The following UBE2D3 variants were observed in gnomAD, a reference collection of about 807,000 sequenced individuals.
UBE2D3 encodes the protein ubiquitin conjugating enzyme E2 D3, also known as ubiquitin-conjugating enzyme E2 D3.
UBE2D3 carries 2 observed loss-of-function variants against 22.8 expected under a neutral mutation model. The observed-to-expected ratio is 0.09, with a 90% CI of 0.04 to 0.28. UBE2D3 has a LOEUF of 0.28. Ranked by LOEUF, UBE2D3 falls within the 10% of genes least tolerant of loss-of-function variation. The pLI is 1.00. For missense variants in UBE2D3, 27 were observed against 182.5 expected (o/e 0.15, Z 4.91); for synonymous variants, 56 against 60.4 (o/e 0.93, Z 0.34).
chr4:102,832,801 G>C (rs1296957214), intron 1 of UBE2D3, among the ~76,000 whole-genome samples: 1 of 152,050 alleles, frequency 6.6e-6, no homozygotes, highest in African/African-American at 2.4e-5. Context: ...TTGAGTCCAA[G>C]AGTTTGAGAT....
chr4:102,839,321 C>G (rs1731609996), intron 1 of UBE2D3, among the ~76,000 whole-genome samples: 2 of 152,178 alleles, frequency 1.3e-5, no homozygotes, highest in African/African-American at 4.8e-5. Flanking sequence ...GGCTGGAATG[C>G]AATGGCGCCA....
chr4:102,837,624 A>T (rs1731480733), intron 1 of UBE2D3, among the ~76,000 whole-genome samples: 4 of 150,550 alleles, frequency 2.7e-5, no homozygotes, highest in Admixed American at 2.6e-4. Context: ...GGAGTTTGAG[A>T]CAAGCTTAGG....
chr4:102,850,881 A>T (rs1300598431), intron 1 of UBE2D3, among the ~76,000 whole-genome samples: 1 of 151,806 alleles, frequency 6.6e-6, no homozygotes, highest in African/African-American at 2.4e-5. Context: ...GAGCTAAGCT[A>T]TGAAGATGCA....
intron 2 of UBE2D3, among the ~76,000 whole-genome samples, chr4:102,815,951 A>G (rs1233058300): frequency 6.6e-6 from 1 of 152,198 alleles, no homozygotes; most frequent in Non-Finnish European, 1.5e-5. Context: ...ACCACTTAGT[A>G]CCCAATAGTA....
At chr4:102,837,180 G>A (rs1324227132) in intron 1 of UBE2D3, 1 of 152,254 alleles carries the variant, frequency 6.6e-6, no homozygotes, top group South Asian at 2.1e-4. Flanking sequence ...ACAATTAAGA[G>A]TATAGGCAGT....
At chr4:102,827,199 C>T in intron 1 of UBE2D3, 1 of 986,454 alleles carries the variant, frequency 1.0e-6, no homozygotes, top group African/African-American at 1.7e-5. Flanking sequence ...GCCACCTCCA[C>T]CACGCGCCCG....
intron 2 of UBE2D3, among the ~76,000 whole-genome samples, chr4:102,820,338 T>C (rs1440269184): frequency 1.3e-5 from 2 of 152,190 alleles, no homozygotes; most frequent in Non-Finnish European, 2.9e-5. Context: ...AGAAGGATGC[T>C]TGGCAAAAAG....
chr4:102,832,002 A>T (rs1296295376), upstream of UBE2D3, among the ~76,000 whole-genome samples: 1 of 152,364 alleles, frequency 6.6e-6, no homozygotes, highest in East Asian at 1.9e-4. Flanking sequence ...GATGTCATCT[A>T]TAAGAAAGTC....
At chr4:102,809,930 A>T in intron 2 of UBE2D3, 75 bp from the exon 3 acceptor site, 1 of 1,422,228 alleles carries the variant, frequency 7.0e-7, no homozygotes, top group Non-Finnish European at 9.9e-7. Context: ...CACTGCTTTC[A>T]GTTACTTTCA....
chr4:102,868,091 G>A (rs866785074), intron 1 of UBE2D3, among the ~76,000 whole-genome samples: 28 of 22,386 alleles, frequency 1.3e-3, no homozygotes, highest in Non-Finnish European at 2.4e-3. Context: ...TTTTTTTTTT[G>A]TGACGGAGTC....
upstream of UBE2D3, among the ~76,000 whole-genome samples, chr4:102,831,669 T>C (rs1373056058): frequency 6.6e-6 from 1 of 152,212 alleles, no homozygotes; most frequent in East Asian, 1.9e-4. Flanking sequence ...GGCCACATAC[T>C]GTTTGATTCT....
At chr4:102,848,122 A>G (rs886798706) in intron 1 of UBE2D3, among the ~76,000 whole-genome samples, 1 of 152,206 alleles carries the variant, frequency 6.6e-6, no homozygotes, top group African/African-American at 2.4e-5. Context: ...GAAAAGCCAG[A>G]TGGATCTATA....
chr4:102,835,779 T>C (rs1731360066), intron 1 of UBE2D3, among the ~76,000 whole-genome samples: 1 of 151,764 alleles, frequency 6.6e-6, no homozygotes, highest in South Asian at 2.1e-4. Flanking sequence ...TAAGCTAACA[T>C]ATATATATAC....
chr4:102,821,961 CA>C (rs559604292), intron 2 of UBE2D3, among the ~76,000 whole-genome samples: 266 of 152,214 alleles, frequency 1.7e-3, no homozygotes, highest in African/African-American at 6.2e-3. Context: ...TAATCTGAAA[CA>C]TTTTTTTATC....
intron 1 of UBE2D3, among the ~76,000 whole-genome samples, chr4:102,866,563 A>G (rs1422558828): frequency 6.6e-6 from 1 of 152,174 alleles, no homozygotes; most frequent in Admixed American, 6.5e-5. Context: ...CTTTAAATTG[A>G]GGTATGTATT....
intron 7 of UBE2D3, among the ~76,000 whole-genome samples, chr4:102,799,194 AAAC>A (rs937825967): frequency 3.9e-5 from 6 of 151,962 alleles, no homozygotes; most frequent in African/African-American, 7.2e-5. Context: ...AGGAAAAAAA[AAAC>A]AACAATAAAA....
At chr4:102,839,629 A>G (rs767016826) in intron 1 of UBE2D3, among the ~76,000 whole-genome samples, 2 of 152,182 alleles carry the variant, frequency 1.3e-5, no homozygotes, top group Non-Finnish European at 2.9e-5. Flanking sequence ...AGTAGTAAAA[A>G]CTGTTTAGAG....
At chr4:102,846,149 C>T (rs1732029912) in intron 1 of UBE2D3, among the ~76,000 whole-genome samples, 1 of 152,124 alleles carries the variant, frequency 6.6e-6, no homozygotes, top group Non-Finnish European at 1.5e-5. Flanking sequence ...TCTAATGTTC[C>T]CACTAAGATC....
chr4:102,841,914 C>T (rs981510840), intron 1 of UBE2D3, among the ~76,000 whole-genome samples: 1 of 152,148 alleles, frequency 6.6e-6, no homozygotes, highest in African/African-American at 2.4e-5. Context: ...TCTTGCACAT[C>T]ACCATTAAAT....
Sources: gnomAD v4.1 joint callset for allele counts (sites outside exome capture counted in the v4.1 genomes callset) on GRCh38, gnomAD v4.1.1 for gene constraint, MANE v1.5 for transcripts, NCBI Gene and HGNC (gene_info 2026-07-23, HGNC 2026-07-21) for gene names.